Variants in GTF3C1 observed in about 807,000 individuals in gnomAD.
GTF3C1 encodes the protein general transcription factor 3C polypeptide 1.
GTF3C1 carries 57 observed loss-of-function variants against 226.7 expected under a neutral mutation model. The ratio of observed to expected loss-of-function variants is 0.25; its 90% CI spans 0.20 to 0.31. GTF3C1 has a LOEUF of 0.31. Among genes scored for constraint, GTF3C1 ranks in the 10% least tolerant of loss-of-function variants. The pLI, the probability that GTF3C1 is intolerant of heterozygous loss-of-function variation, is 1.00. For synonymous variants in GTF3C1, 1,090 were observed against 1,084.8 expected, an observed-to-expected ratio of 1.00 and a Z score of -0.09; for missense variants, 2,217 against 2,776.1, an observed-to-expected ratio of 0.80 and a Z score of 4.53.
chr16:27,464,812 G>A lies in GTF3C1; in HGVS notation c.5380C>T (p.Leu1794=). The A allele has an allele frequency of 1.3e-6, 2 of 1,518,490 alleles. No individual in the cohort carries two copies. Among genetic ancestry groups the A allele is most frequent in the African/African-American group, 1.4e-5 (1 of 72,072 alleles). 94.1% of individuals were successfully genotyped at this position (1,518,490 alleles called of 1,614,324 possible). The change falls in exon 34 of 37, where the codon CTG becomes TTG. Residue 1794 remains leucine (L), a synonymous_variant. Coordinates refer to ENST00000356183, the MANE Select transcript of GTF3C1 (RefSeq NM_001520.4). ...CGCGCAGTGTTGCCACCGACCTCCA[G>A]CACCTGATGCTGCTCCAGGAGGGCC... ...IQALLEQHQV[L]EVGGNTARLV...
chr16:27,549,452 C>T (rs1015871348), intron 1 of GTF3C1, among the ~76,000 whole-genome samples: 2 of 152,214 alleles, frequency 1.3e-5, no homozygotes, highest in African/African-American at 4.8e-5. Context: ...AACGGGACAT[C>T]ACTAGATTCT....
At position 27,462,538 on chromosome 16, in the gene GTF3C1, C is replaced by G; in HGVS notation, c.5925-52G>C. 1.4e-6 allele frequency: 2 copies of G among 1,436,564 alleles called. No individual in the cohort carries two copies. The highest frequency in any genetic ancestry group is 1.9e-6 in the Non-Finnish European group (2 of 1,027,476). The allele number at this position is 1,436,564 out of a possible 1,614,324, so 89.0% of individuals were successfully genotyped here. A position where few individuals can be genotyped will look rare whatever the true frequency, so the allele number is the denominator to read the frequency against. On this transcript the variant is annotated intron_variant, in intron 35 of 36. Transcript: ENST00000356183. The surrounding 1 kb of genome is among the most constrained non-coding windows in gnomAD (Gnocchi z 4.5). ...GCTTGGTGGGGGCAGGAGGGCAGCT[C>G]GTCCAGACAGAACACTGAGGCTCAG...
chr16:27,524,586 T>C (rs2141431854), intron 6 of GTF3C1, among the ~76,000 whole-genome samples: 1 of 152,330 alleles, frequency 6.6e-6, no homozygotes, highest in East Asian at 1.9e-4. Flanking sequence ...TACTCCCAAG[T>C]CCATTCAGGT....
intron 6 of GTF3C1, among the ~76,000 whole-genome samples, chr16:27,517,314 T>C (rs868475049): frequency 6.6e-6 from 1 of 152,208 alleles, no homozygotes; most frequent in Non-Finnish European, 1.5e-5. Context: ...ATTTGCCTTT[T>C]TGAAGGTGCC....
Position 27,462,011 on chromosome 16 carries a change from C to T in GTF3C1, c.6117+283G>A, listed in dbSNP as rs1317390338. The T allele has an allele frequency of 1.4e-5, 6 of 443,924 alleles. No individual in the cohort carries two copies. The highest frequency in any genetic ancestry group is 5.8e-5 in the African/African-American group (3 of 51,376). The allele number at this position is 443,924 out of a possible 1,614,324, so 27.5% of individuals were successfully genotyped here. A position where few individuals can be genotyped will look rare whatever the true frequency, so the allele number is the denominator to read the frequency against. ...TGCACCAGGGGGCAGCTGCTTGACC[C>T]GTGGGGCCCGGCGGACTCATGAGTT... On this transcript the variant is annotated intron_variant, in intron 36 of 36. Transcript: ENST00000356183. The surrounding 1 kb of genome is among the most constrained non-coding windows in gnomAD (Gnocchi z 4.5).
chr16:27,539,689 C>G (rs1315770127), intron 2 of GTF3C1, among the ~76,000 whole-genome samples: 3 of 152,200 alleles, frequency 2.0e-5, no homozygotes, highest in Admixed American at 6.5e-5. Context: ...TCCATCGTAA[C>G]AGTATTAAGA....
At chr16:27,539,403 C>G (rs367698169) in intron 2 of GTF3C1, among the ~76,000 whole-genome samples, 23 of 152,336 alleles carry the variant, frequency 1.5e-4, no homozygotes, top group African/African-American at 3.6e-4. Flanking sequence ...TCTGTGCTGA[C>G]ACCTAACAGT....
At chr16:27,489,486 C>A in intron 20 of GTF3C1, 116 bp downstream of exon 20, 1 of 767,770 alleles carries the variant, frequency 1.3e-6, no homozygotes. Context: ...AGCCTCTGCA[C>A]CGGAGACACA....
intron 12 of GTF3C1, among the ~76,000 whole-genome samples, chr16:27,500,876 A>T (rs1386333645): frequency 3.3e-5 from 5 of 152,136 alleles, no homozygotes; most frequent in African/African-American, 1.2e-4. Context: ...TTTCCCACCT[A>T]AATGTTATTT....
At chr16:27,465,920 G>GCC (rs2087780833) in intron 32 of GTF3C1, 1 of 264,432 alleles carries the variant, frequency 3.8e-6, no homozygotes, top group Non-Finnish European at 7.4e-6. Flanking sequence ...TGCTGCTCAT[G>GCC]TACCCACTGT....
At position 27,469,076 on chromosome 16, in the gene GTF3C1, C is replaced by T. The variant is rs1276289145; in HGVS notation, c.5074+215G>A. Among the ~76,000 whole-genome samples, 1 of 152,212 alleles carries T rather than the reference C, an allele frequency of 6.6e-6. No homozygotes were observed. Among genetic ancestry groups the T allele is most frequent in the African/African-American group, 2.4e-5 (1 of 41,454 alleles). ...ACAGCTGTGACTAAAAGAGGCGGTGCGGGGAGCTTTCCCACAGAGGTGTGG... is the reference window on the plus strand; with the variant it reads ...ACAGCTGTGACTAAAAGAGGCGGTGTGGGGAGCTTTCCCACAGAGGTGTGG... On this transcript the variant is annotated intron_variant, in intron 32 of 36. Transcript: ENST00000356183. The surrounding 1 kb of genome is among the most constrained non-coding windows in gnomAD (Gnocchi z 4.5).
intron 29 of GTF3C1, among the ~76,000 whole-genome samples, chr16:27,474,324 T>G (rs1596617573): frequency 6.6e-6 from 1 of 152,118 alleles, no homozygotes. Context: ...AGGTGCCACC[T>G]GGAGATGGAA....
intron 7 of GTF3C1, among the ~76,000 whole-genome samples, chr16:27,510,966 T>C (rs375582339): frequency 6.6e-6 from 1 of 152,372 alleles, no homozygotes; most frequent in East Asian, 1.9e-4. Context: ...CCAGGCCCTA[T>C]AGCAGCTCTT....
chr16:27,540,708 T>A (rs966520359), intron 2 of GTF3C1, among the ~76,000 whole-genome samples: 1 of 152,190 alleles, frequency 6.6e-6, no homozygotes, highest in South Asian at 2.1e-4. Context: ...TATGAGGTCA[T>A]AACTTCTCTC....
chr16:27,518,102 G>A (rs961261712), intron 6 of GTF3C1, among the ~76,000 whole-genome samples: 2 of 152,164 alleles, frequency 1.3e-5, no homozygotes, highest in Non-Finnish European at 2.9e-5. Flanking sequence ...TCCTCTTTAA[G>A]GGTCACAAGC....
intron 6 of GTF3C1, among the ~76,000 whole-genome samples, chr16:27,516,978 C>T (rs1041524096): frequency 6.6e-6 from 1 of 152,130 alleles, no homozygotes; most frequent in African/African-American, 2.4e-5. Context: ...AGAGGCAGCC[C>T]AGCACTGTGG....
chr16:27,504,880 G>A (rs1025289204), intron 10 of GTF3C1, among the ~76,000 whole-genome samples: 4 of 152,228 alleles, frequency 2.6e-5, no homozygotes, highest in South Asian at 4.2e-4. Context: ...GCAGTGAGCC[G>A]AGCTCGTACC....
chr16:27,483,445 G>A (rs1403253872), intron 25 of GTF3C1: 2 of 513,256 alleles, frequency 3.9e-6, no homozygotes, highest in Admixed American at 2.3e-5. Context: ...ATGTGAAAGT[G>A]CATCACACAT....
Position 27,462,461 on chromosome 16 carries a change from C to T in GTF3C1, c.5950G>A (p.Gly1984Ser), listed in dbSNP as rs1199292643. 1.9e-6 allele frequency: 3 copies of T among 1,613,808 alleles called. No individual in the cohort carries two copies. The highest frequency in any genetic ancestry group is 1.3e-5 in the African/African-American group (1 of 75,020). ...ERDCESVCFI[G>S]RPWRVVDGHL... is the part of the protein sequence containing the mutation. ...CCATCCACGACACGCCACGGCCGGC[C>T]GATGAAGCAGACACTCTCACAGTCC... The change falls in exon 36 of 37, where the codon GGC (glycine) becomes AGC (serine). Residue 1984 changes from glycine to serine, a missense_variant. This residue lies in a region of GTF3C1 where 153 missense variants were observed against 199.8 expected (regional missense o/e 0.77). Coordinates refer to ENST00000356183, the MANE Select transcript of GTF3C1 (RefSeq NM_001520.4). This position sits in a 1 kb window ranked among gnomAD's most constrained non-coding sequence, Gnocchi z 4.5.
Sources: gnomAD v4.1 joint callset for allele counts (sites outside exome capture counted in the v4.1 genomes callset) on GRCh38, gnomAD v4.1.1 for gene constraint, gnomAD v4.1.1 regional missense constraint, Gnocchi (gnomAD v3.1) non-coding constraint, MANE v1.5 for transcripts, NCBI Gene and HGNC (gene_info 2026-07-23, HGNC 2026-07-21) for gene names.